ST18: variants seen among roughly 807,000 people sequenced by gnomAD.
The protein encoded by ST18 is ST18 C2H2C-type zinc finger transcription factor.
A neutral mutation model predicts 110.0 loss-of-function variants in ST18; 50 were observed. That is an observed-to-expected ratio of 0.45 (90% CI 0.36 to 0.58). The LOEUF is 0.58. Ranked by LOEUF, ST18 falls within the 20% of genes least tolerant of loss-of-function variation. The pLI is 0.00. For missense variants in ST18, 1,306 were observed against 1,280.1 expected (o/e 1.02, Z -0.31); for synonymous variants, 461 against 452.4 (o/e 1.02, Z -0.24).
intron 3 of ST18, 111 bp downstream of exon 3, chr8:52,229,921 T>G (rs547189543): frequency 6.6e-6 from 1 of 152,620 alleles, no homozygotes; most frequent in South Asian, 2.1e-4. Flanking sequence ...GCATCTTTTC[T>G]GGTCCTCTAA....
intron 2 of ST18, among the ~76,000 whole-genome samples, chr8:52,315,524 A>G (rs191636454): frequency 3.9e-5 from 6 of 152,284 alleles, no homozygotes; most frequent in East Asian, 3.9e-4. Flanking sequence ...TTTTTCATCT[A>G]TAGTACTTAT....
intron 2 of ST18, among the ~76,000 whole-genome samples, chr8:52,263,517 A>C (rs2094763556): frequency 6.6e-6 from 1 of 151,636 alleles, no homozygotes; most frequent in Admixed American, 6.6e-5. Context: ...CTCATTTTTA[A>C]CTATTGTTAT....
chr8:52,332,712 G>A (rs997391393), intron 2 of ST18, among the ~76,000 whole-genome samples: 3 of 151,852 alleles, frequency 2.0e-5, no homozygotes, highest in South Asian at 4.2e-4. Context: ...TTAGCCAGGC[G>A]TGGTGGCGCA....
At chr8:52,307,322 G>C (rs2095830781) in intron 2 of ST18, among the ~76,000 whole-genome samples, 1 of 152,178 alleles carries the variant, frequency 6.6e-6, no homozygotes, top group South Asian at 2.1e-4. Context: ...ATAAGATCCA[G>C]AGGGGAAGAC....
chr8:52,276,157 C>CATCAAA (rs1385823267), intron 2 of ST18, among the ~76,000 whole-genome samples: 1 of 10,444 alleles, frequency 9.6e-5, no homozygotes, highest in African/African-American at 3.5e-4. Context: ...ACACCACGCA[C>CATCAAA]CACACATACC....
At chr8:52,279,085 A>G (rs898078712) in intron 2 of ST18, among the ~76,000 whole-genome samples, 3 of 152,212 alleles carry the variant, frequency 2.0e-5, no homozygotes, top group African/African-American at 7.2e-5. Context: ...GAAGAAAAAG[A>G]CAGCAGTGTC....
At chr8:52,398,026 G>T (rs1214386045) in intron 2 of ST18, among the ~76,000 whole-genome samples, 1 of 151,846 alleles carries the variant, frequency 6.6e-6, no homozygotes, top group Non-Finnish European at 1.5e-5. Context: ...TCTGTAAACT[G>T]CTTTAAGTAG....
intron 2 of ST18, among the ~76,000 whole-genome samples, chr8:52,368,732 T>TA (rs533157772): frequency 7.3e-5 from 11 of 151,320 alleles, no homozygotes; most frequent in African/African-American, 1.9e-4. Context: ...TTCAAACATC[T>TA]AAAAAAAATG....
chr8:52,170,589 T>C (rs963361151), intron 10 of ST18, among the ~76,000 whole-genome samples: 6 of 152,144 alleles, frequency 3.9e-5, no homozygotes, highest in Non-Finnish European at 2.9e-5. Flanking sequence ...CATTTTTTTT[T>C]CTGATTTTGT....
In ST18 at chr8:52,326,093, G is replaced by T. The variant is rs533967409; in HGVS notation, c.-465+83235C>A. ...TAGGTAGAAAAATACAAAGCATAGA[G>T]AAAAATTTGAAAAGCCTTGTGCCTC... On this transcript the variant is annotated intron_variant, in intron 2 of 25. Transcript: ENST00000689386. 7.2e-5 allele frequency among the ~76,000 whole-genome samples: 11 copies of T among 152,276 alleles called. No homozygotes were observed. In the South Asian group the frequency reaches 2.1e-3, roughly 29 times the overall value.
intron 2 of ST18, among the ~76,000 whole-genome samples, chr8:52,293,377 G>A (rs531528800): frequency 6.6e-6 from 1 of 152,352 alleles, no homozygotes; most frequent in Admixed American, 6.5e-5. Context: ...GACTTCATGT[G>A]CACAGCACAT....
intron 2 of ST18, among the ~76,000 whole-genome samples, chr8:52,377,851 CT>C (rs1346265335): frequency 1.3e-5 from 2 of 152,078 alleles, no homozygotes; most frequent in Non-Finnish European, 2.9e-5. Flanking sequence ...GAAGCAAAGT[CT>C]TTATGAGTGG....
Position 52,165,200 on chromosome 8 carries a change from G to C in ST18, c.1230C>G (p.Leu410=). The part of the protein sequence containing the change: ...LEILAMHENV[L]KCPTPGCTGR... Reference sequence around the variant, plus strand: ...CTGTGCATCCCGGCGTGGGACACTTGAGCACATTTTCATGCATGGCAAGAA... The same window carrying C: ...CTGTGCATCCCGGCGTGGGACACTTCAGCACATTTTCATGCATGGCAAGAA... The change falls in exon 12 of 26, where the codon CTC becomes CTG. Residue 410 remains leucine, a synonymous_variant. Transcript: ENST00000689386. The C allele has an allele frequency of 6.2e-7, 1 of 1,614,180 alleles. No homozygotes were observed. Among genetic ancestry groups the C allele is most frequent in the Non-Finnish European group, 8.5e-7 (1 of 1,180,032 alleles).
At chr8:52,265,975 G>A (rs929348589) in intron 2 of ST18, among the ~76,000 whole-genome samples, 3 of 152,184 alleles carry the variant, frequency 2.0e-5, no homozygotes, top group Admixed American at 6.5e-5. Flanking sequence ...AGGAGGCTGA[G>A]CAGAAGTCAC....
At chr8:52,234,728 G>GGT (rs3054614) in intron 2 of ST18, among the ~76,000 whole-genome samples, 16,921 of 145,556 alleles carry the variant, frequency 0.12, 1,113 homozygotes, top group East Asian at 0.32. Context: ...AAGAAACTAT[G>GGT]GTGTGTGTGT....
intron 2 of ST18, among the ~76,000 whole-genome samples, chr8:52,286,968 GAAAACCACTGGTCTAAAGAAAATAAAA>G (rs1234273403): frequency 6.6e-6 from 1 of 151,984 alleles, no homozygotes; most frequent in African/African-American, 2.4e-5. Context: ...GCTCAAGTTT[GAAAACCACTGGTCTAAAGAAAATAAAA>G]AAAACTGAGC....
intron 21 of ST18, among the ~76,000 whole-genome samples, chr8:52,132,624 A>G (rs919882685): frequency 2.0e-5 from 3 of 152,248 alleles, no homozygotes; most frequent in Non-Finnish European, 2.9e-5. Flanking sequence ...AAATGTTTAA[A>G]TATTGCATTT....
intron 2 of ST18, among the ~76,000 whole-genome samples, chr8:52,376,266 C>T (rs1484362194): frequency 6.6e-6 from 1 of 152,158 alleles, no homozygotes; most frequent in Non-Finnish European, 1.5e-5. Context: ...TTTCATCTCT[C>T]TGACCTTCTC....
intron 11 of ST18, among the ~76,000 whole-genome samples, chr8:52,165,505 A>G (rs548972787): frequency 1.3e-5 from 2 of 152,298 alleles, no homozygotes; most frequent in African/African-American, 4.8e-5. Flanking sequence ...AAAACTTGTA[A>G]CCTTCCCATC....
Sources: gnomAD v4.1 joint callset for allele counts (sites outside exome capture counted in the v4.1 genomes callset) on GRCh38, gnomAD v4.1.1 for gene constraint, MANE v1.5 for transcripts, NCBI Gene and HGNC (gene_info 2026-07-23, HGNC 2026-07-21) for gene names.